ADAMTS3: variants seen among roughly 807,000 people sequenced by gnomAD.
ADAMTS3 encodes the protein A disintegrin and metalloproteinase with thrombospondin motifs 3.
Under a neutral mutation model 129.0 loss-of-function variants are expected in ADAMTS3, and 73 were observed. The observed-to-expected ratio is 0.57, with a 90% CI of 0.47 to 0.69. ADAMTS3 has a LOEUF of 0.69. Among genes scored for constraint, ADAMTS3 ranks in the 30% least tolerant of loss-of-function variants. The pLI is 0.00. For synonymous variants in ADAMTS3, 477 were observed against 510.8 expected, an observed-to-expected ratio of 0.93 and a Z score of 0.89; for missense variants, 1,457 against 1,514.5, an observed-to-expected ratio of 0.96 and a Z score of 0.63.
At chr4:72,545,221 C>T (rs1721434794) in intron 3 of ADAMTS3, among the ~76,000 whole-genome samples, 1 of 152,156 alleles carries the variant, frequency 6.6e-6, no homozygotes, top group Non-Finnish European at 1.5e-5. Flanking sequence ...TGATTCTAGC[C>T]ATATGAAAAT....
intron 3 of ADAMTS3, among the ~76,000 whole-genome samples, chr4:72,495,285 A>G (rs1291264962): frequency 1.3e-5 from 2 of 152,146 alleles, no homozygotes; most frequent in African/African-American, 4.8e-5. Context: ...TGTGGGGTCT[A>G]TAGAGTCATT....
chr4:72,516,462 C>T (rs1085957), intron 3 of ADAMTS3, among the ~76,000 whole-genome samples: 5,771 of 152,180 alleles, frequency 0.038, 414 homozygotes, highest in African/African-American at 0.13. Flanking sequence ...TTCTTCCTAA[C>T]CATGAGCATG....
At chr4:72,374,227 T>G (rs1041029621) in intron 4 of ADAMTS3, among the ~76,000 whole-genome samples, 1 of 151,896 alleles carries the variant, frequency 6.6e-6, no homozygotes, top group African/African-American at 2.4e-5. Flanking sequence ...ATTAAAAACA[T>G]GTATTTAATT....
At chr4:72,406,611 T>C (rs1722059475) in intron 4 of ADAMTS3, among the ~76,000 whole-genome samples, 1 of 152,088 alleles carries the variant, frequency 6.6e-6, no homozygotes, top group Non-Finnish European at 1.5e-5. Flanking sequence ...TGTCATTAGG[T>C]AGTGAAAGGA....
intron 4 of ADAMTS3, among the ~76,000 whole-genome samples, chr4:72,398,340 T>C (rs1578644708): frequency 6.6e-6 from 1 of 152,130 alleles, no homozygotes; most frequent in Non-Finnish European, 1.5e-5. Flanking sequence ...GTGGATCACC[T>C]GAGGTCAGGA....
chr4:72,437,892 G>C (rs1717993928), intron 3 of ADAMTS3, among the ~76,000 whole-genome samples: 1 of 151,700 alleles, frequency 6.6e-6, no homozygotes, highest in South Asian at 2.1e-4. Context: ...AATACACGCA[G>C]TTTTGGGAAA....
chr4:72,287,113 C>T (rs1351147734), intron 21 of ADAMTS3, among the ~76,000 whole-genome samples: 1 of 151,772 alleles, frequency 6.6e-6, no homozygotes, highest in Non-Finnish European at 1.5e-5. Context: ...AATTCATGCC[C>T]TTATAAAAGA....
intron 2 of ADAMTS3, among the ~76,000 whole-genome samples, chr4:72,561,881 T>C (rs1721913017): frequency 6.6e-6 from 1 of 152,172 alleles, no homozygotes; most frequent in Non-Finnish European, 1.5e-5. Context: ...GAGACTGACA[T>C]TTTACCACAA....
intron 3 of ADAMTS3, among the ~76,000 whole-genome samples, chr4:72,530,843 A>G (rs1357743715): frequency 8.0e-6 from 1 of 124,574 alleles, no homozygotes; most frequent in Non-Finnish European, 1.6e-5. Flanking sequence ...TATAATATAT[A>G]ATATATAATA....
At chr4:72,389,534 A>C (rs940440751) in intron 4 of ADAMTS3, among the ~76,000 whole-genome samples, 23 of 143,070 alleles carry the variant, frequency 1.6e-4, no homozygotes, top group South Asian at 4.1e-4. Context: ...AAAAACAAAA[A>C]AAAAAAATCA....
intron 3 of ADAMTS3, among the ~76,000 whole-genome samples, chr4:72,474,170 C>T (rs534356928): frequency 7.9e-5 from 12 of 152,270 alleles, no homozygotes; most frequent in African/African-American, 2.9e-4. Context: ...TCAAAAATCA[C>T]TCGTCATATC....
In ADAMTS3 at chr4:72,442,072, C is replaced by T. The variant is rs538254331; in HGVS notation, c.505-27101G>A. 2.0e-5 allele frequency: 3 copies of T among 151,878 alleles called. No homozygotes were observed. The South Asian group carries it at 6.2e-4, about 32-fold the overall frequency. 9.4% of individuals were successfully genotyped at this position (151,878 alleles called of 1,614,324 possible). A position where few individuals can be genotyped will look rare whatever the true frequency, so the allele number is the denominator to read the frequency against. On this transcript the variant is annotated intron_variant, in intron 3 of 21. Transcript: ENST00000286657. Reference sequence around the variant, plus strand: ...ATGTCTGAAGACTAGCTGGACAGATCTAAAGAGCTGGAAGTGACTTGAATG... The same window carrying T: ...ATGTCTGAAGACTAGCTGGACAGATTTAAAGAGCTGGAAGTGACTTGAATG...
At chr4:72,492,061 G>A (rs922231069) in intron 3 of ADAMTS3, among the ~76,000 whole-genome samples, 3 of 151,398 alleles carry the variant, frequency 2.0e-5, no homozygotes, top group Non-Finnish European at 4.4e-5. Flanking sequence ...GGATATAATT[G>A]TTTATAATAG....
intron 3 of ADAMTS3, among the ~76,000 whole-genome samples, chr4:72,507,712 A>C (rs933976406): frequency 2.6e-5 from 4 of 152,148 alleles, no homozygotes; most frequent in Non-Finnish European, 2.9e-5. Flanking sequence ...AAAGCACTAT[A>C]AAAATCCCAC....
chr4:72,346,541 G>T (rs1720289763), intron 4 of ADAMTS3, among the ~76,000 whole-genome samples: 1 of 152,014 alleles, frequency 6.6e-6, no homozygotes, highest in African/African-American at 2.4e-5. Context: ...CAGTCCCATT[G>T]CAACCATTTA....
intron 3 of ADAMTS3, among the ~76,000 whole-genome samples, chr4:72,516,310 G>C (rs767309353): frequency 3.3e-5 from 5 of 152,096 alleles, no homozygotes; most frequent in Non-Finnish European, 5.9e-5. Context: ...GGATTGACTT[G>C]GCAATGCGGG....
At chr4:72,368,027 A>G (rs1372022244) in intron 4 of ADAMTS3, among the ~76,000 whole-genome samples, 1 of 152,184 alleles carries the variant, frequency 6.6e-6, no homozygotes, top group South Asian at 2.1e-4. Context: ...ATATATGAAA[A>G]CAAAAATATA....
intron 4 of ADAMTS3, among the ~76,000 whole-genome samples, chr4:72,402,646 C>T (rs543967372): frequency 6.6e-6 from 1 of 152,082 alleles, no homozygotes; most frequent in South Asian, 2.1e-4. Context: ...CAAAAAAGTC[C>T]ATGCTTAGAT....
At chr4:72,464,299 T>G (rs1330612892) in intron 3 of ADAMTS3, among the ~76,000 whole-genome samples, 1 of 151,970 alleles carries the variant, frequency 6.6e-6, no homozygotes, top group South Asian at 2.1e-4. Flanking sequence ...CCCATCCAAA[T>G]AGAGAGCTGC....
Sources: allele counts gnomAD v4.1 joint callset (sites outside exome capture counted in the v4.1 genomes callset), GRCh38; gene constraint gnomAD v4.1.1; transcripts MANE v1.5; gene names NCBI Gene and HGNC (gene_info 2026-07-23, HGNC 2026-07-21).